SNX30: variants seen among roughly 807,000 people sequenced by gnomAD.
The protein encoded by SNX30 is sorting nexin family member 30.
A neutral mutation model predicts 46.4 loss-of-function variants in SNX30; 24 were observed. The ratio of observed to expected loss-of-function variants is 0.52; its 90% CI spans 0.37 to 0.73. SNX30 has a LOEUF of 0.73. Ranked by LOEUF, SNX30 falls within the 30% of genes least tolerant of loss-of-function variation. The pLI, the probability that SNX30 is intolerant of heterozygous loss-of-function variation, is 0.00. For synonymous variants in SNX30, 189 were observed against 211.5 expected (o/e 0.89, Z 0.92); for missense variants, 533 against 555.7 (o/e 0.96, Z 0.41).
chr9:112,771,745 G>A (rs1839652130), intron 1 of SNX30, among the ~76,000 whole-genome samples: 1 of 152,228 alleles, frequency 6.6e-6, no homozygotes, highest in South Asian at 2.1e-4. Context: ...AGTTATGACT[G>A]TTTTTGAGAA....
intron 7 of SNX30, among the ~76,000 whole-genome samples, chr9:112,857,865 C>T (rs979511116): frequency 2.5e-4 from 38 of 152,094 alleles, no homozygotes; most frequent in African/African-American, 8.9e-4. Flanking sequence ...GGCTCAATCT[C>T]GGCTCACTGA....
intron 7 of SNX30, among the ~76,000 whole-genome samples, chr9:112,859,635 A>G (rs1254854814): frequency 6.6e-6 from 1 of 152,116 alleles, no homozygotes; most frequent in East Asian, 1.9e-4. Context: ...TTTTTGAGAC[A>G]GAGTCTTTCT....
At chr9:112,830,293 A>G (rs556026204) in intron 3 of SNX30, among the ~76,000 whole-genome samples, 91 of 152,282 alleles carry the variant, frequency 6.0e-4, no homozygotes, top group African/African-American at 2.1e-3. Flanking sequence ...TGAATGGGGA[A>G]TGAAGTACTG....
chr9:112,771,834 C>T (rs1371316231), intron 1 of SNX30, among the ~76,000 whole-genome samples: 16 of 152,192 alleles, frequency 1.1e-4, no homozygotes, highest in Admixed American at 9.8e-4. Flanking sequence ...AAAAAAGAGA[C>T]AGTGCTTTTC....
intron 8 of SNX30, among the ~76,000 whole-genome samples, chr9:112,866,973 CCTTCCTCAGAATTCCTTCT>C (rs1841361445): frequency 1.1e-5 from 1 of 91,288 alleles, no homozygotes; most frequent in Non-Finnish European, 2.4e-5. Flanking sequence ...AACTCCTCCT[CCTTCCTCAGAATTCCTTCT>C]CCCTCCTCAG....
At position 112,830,995 on chromosome 9, in the gene SNX30, G is replaced by A. The variant is rs112068234; in HGVS notation, c.618+112G>A. ...CTACAAAAACTTTTAACAAATAGCC[G>A]AGTGTGATGTTGTGCGCCTGTAGTC... On this transcript the variant is annotated intron_variant, in intron 4 of 8. Transcript: ENST00000374232. 1.2e-3 allele frequency: 1,409 copies of A among 1,135,418 alleles called. 10 individuals are homozygous for A. The African/African-American group carries it at 0.019, about 16-fold the overall frequency. 70.3% of individuals were successfully genotyped at this position (1,135,418 alleles called of 1,614,324 possible).
intron 1 of SNX30, among the ~76,000 whole-genome samples, chr9:112,766,216 G>GT (rs1839535026): frequency 6.6e-6 from 1 of 152,164 alleles, no homozygotes; most frequent in Non-Finnish European, 1.5e-5. Flanking sequence ...TTCTTGACCA[G>GT]TATCTCTCCT....
Position 112,804,828 on chromosome 9 carries a change from CT to C in SNX30, c.211del (p.Ser71HisfsTer24). 1 of 1,613,896 alleles carries C rather than the reference CT, an allele frequency of 6.2e-7. No homozygotes were observed. Among genetic ancestry groups the C allele is most frequent in the Non-Finnish European group, 8.5e-7 (1 of 1,179,832 alleles). On this transcript the variant is annotated frameshift_variant, in exon 2 of 9. Coordinates refer to ENST00000374232, the MANE Select transcript of SNX30 (RefSeq NM_001012994.2). LOFTEE classifies it high-confidence loss of function. ...CCAGCAGGTACTTCAAGTCCAGCTTCTTCATCTTCCCTTCTCAACAGACTTC... is the reference window on the plus strand; with the variant it reads ...CCAGCAGGTACTTCAAGTCCAGCTTCTCATCTTCCCTTCTCAACAGACTTC... Reference protein sequence around the residue: ...GTPAGTSSPASSSSLLNRLQL... With the variant: ...GTPAGTSSPAXSSSLLNRLQL...
At chr9:112,867,340 AGAACTCT>A in intron 8 of SNX30, among the ~76,000 whole-genome samples, 1 of 144,252 alleles carries the variant, frequency 6.9e-6, no homozygotes, top group East Asian at 2.1e-4. Flanking sequence ...CTCCCTCCTC[AGAACTCT>A]TCCCACCTCC....
intron 2 of SNX30, among the ~76,000 whole-genome samples, chr9:112,817,396 AC>A (rs1840413593): frequency 3.7e-5 from 2 of 53,838 alleles, no homozygotes; most frequent in African/African-American, 1.1e-4. Context: ...AAAAAAAAAA[AC>A]TGGCTTTTTT....
chr9:112,829,656 T>C (rs185036127), intron 3 of SNX30, among the ~76,000 whole-genome samples: 4 of 152,356 alleles, frequency 2.6e-5, no homozygotes, highest in South Asian at 2.1e-4. Context: ...ATTTAACTTA[T>C]TGAGGAACCA....
rs868361362 is a variant in SNX30 at position 112,835,355 on chromosome 9, G to A, written c.619-859G>A. On this transcript the variant is annotated intron_variant, in intron 4 of 8. Coordinates refer to ENST00000374232, the MANE Select transcript of SNX30 (RefSeq NM_001012994.2). ...ATGCTTTTCTTTTTTGCCCAGGCTG[G>A]AGTGAAGTGGCACGATCTCAATTCA... Among the ~76,000 whole-genome samples the A allele has an allele frequency of 7.2e-5, 11 of 152,270 alleles. 1 individual carries two copies. The South Asian group carries it at 2.1e-3, about 29-fold the overall frequency.
intron 1 of SNX30, among the ~76,000 whole-genome samples, chr9:112,786,184 C>G (rs2131381177): frequency 6.7e-6 from 1 of 148,902 alleles, no homozygotes; most frequent in East Asian, 2.0e-4. Context: ...GTGGCACCAT[C>G]TTGGCTCACC....
At position 112,778,413 on chromosome 9, in the gene SNX30, C is replaced by T. The variant is rs181256047; in HGVS notation, c.157-26363C>T. Among the ~76,000 whole-genome samples, 88 of 151,714 alleles carry T rather than the reference C, an allele frequency of 5.8e-4. No individual in the cohort carries two copies. In the East Asian group the frequency reaches 0.015, roughly 26 times the overall value. On this transcript the variant is annotated intron_variant, in intron 1 of 8. Transcript: ENST00000374232. ...TCAGCCTCTCGAGTAGCTGGGATTT[C>T]GGGCACCTGCCACCAGCCCAGCACA...
At chr9:112,757,093 T>C (rs975757425) in intron 1 of SNX30, among the ~76,000 whole-genome samples, 1 of 152,238 alleles carries the variant, frequency 6.6e-6, no homozygotes, top group South Asian at 2.1e-4. Flanking sequence ...ATCTCCAGAC[T>C]TGTACACTCC....
At chr9:112,833,128 T>C (rs781400703) in intron 4 of SNX30, among the ~76,000 whole-genome samples, 10 of 152,176 alleles carry the variant, frequency 6.6e-5, no homozygotes, top group Non-Finnish European at 1.2e-4. Flanking sequence ...AAATTAGTTA[T>C]GCAGCTCATC....
At chr9:112,883,342 A>G (rs902819041), downstream of SNX30, among the ~76,000 whole-genome samples, 17 of 152,156 alleles carry the variant, frequency 1.1e-4, no homozygotes, top group African/African-American at 3.9e-4. Flanking sequence ...GCACCCAGAT[A>G]CCAGGTGCAA....
chr9:112,882,533 G>T (rs549505337), downstream of SNX30, among the ~76,000 whole-genome samples: 1 of 152,322 alleles, frequency 6.6e-6, no homozygotes, highest in South Asian at 2.1e-4. Context: ...GATGGGAGTG[G>T]AGAACAAGAG....
At chr9:112,829,069 T>A (rs111825495) in intron 3 of SNX30, among the ~76,000 whole-genome samples, 5 of 152,340 alleles carry the variant, frequency 3.3e-5, no homozygotes, top group African/African-American at 1.2e-4. Context: ...TTTTCCATGA[T>A]GTAGCATGTT....
Sources: allele counts gnomAD v4.1 joint callset (sites outside exome capture counted in the v4.1 genomes callset), GRCh38; gene constraint gnomAD v4.1.1; transcripts MANE v1.5; gene names NCBI Gene and HGNC (gene_info 2026-07-23, HGNC 2026-07-21).